Variants in CADM2 observed in about 807,000 individuals in gnomAD.
CADM2 encodes the protein cell adhesion molecule 2.
CADM2 carries 12 observed loss-of-function variants against 49.8 expected under a neutral mutation model. The ratio of observed to expected loss-of-function variants is 0.24; its 90% CI spans 0.15 to 0.39. The LOEUF (loss-of-function observed/expected upper bound fraction) is 0.39. Among genes scored for constraint, CADM2 ranks in the 10% least tolerant of loss-of-function variants. CADM2 has a pLI of 1.00. For synonymous variants in CADM2, 214 were observed against 175.4 expected, an observed-to-expected ratio of 1.22 and a Z score of -1.74; for missense variants, 378 against 492.3, an observed-to-expected ratio of 0.77 and a Z score of 2.20.
chr3:85,265,692 C>A (rs530744232), intron 1 of CADM2, among the ~76,000 whole-genome samples: 5 of 151,966 alleles, frequency 3.3e-5, no homozygotes, highest in Non-Finnish European at 5.9e-5. Context: ...CACATTCAAA[C>A]CGTAGCACTC....
chr3:85,496,664 G>A (rs1329834066), intron 1 of CADM2, among the ~76,000 whole-genome samples: 2 of 152,082 alleles, frequency 1.3e-5, no homozygotes, highest in African/African-American at 2.4e-5. Context: ...CACCAACAGC[G>A]TATAACCATT....
intron 3 of CADM2, among the ~76,000 whole-genome samples, chr3:85,841,219 T>C (rs1008570578): frequency 6.6e-6 from 1 of 151,898 alleles, no homozygotes; most frequent in Non-Finnish European, 1.5e-5. Flanking sequence ...CGGGTAATGG[T>C]ATCCTTTAGG....
intron 1 of CADM2, among the ~76,000 whole-genome samples, chr3:85,004,827 T>C (rs1294033048): frequency 2.0e-5 from 3 of 152,166 alleles, no homozygotes; most frequent in Non-Finnish European, 4.4e-5. Flanking sequence ...TTTTAAGCAG[T>C]TATAAGACCT....
At chr3:85,520,561 G>T (rs914313783) in intron 1 of CADM2, among the ~76,000 whole-genome samples, 3 of 151,882 alleles carry the variant, frequency 2.0e-5, no homozygotes, top group African/African-American at 7.3e-5. Flanking sequence ...TATATTTTTA[G>T]GAAGAAAAAA....
chr3:85,397,077 A>G (rs977381542), intron 1 of CADM2, among the ~76,000 whole-genome samples: 1 of 152,124 alleles, frequency 6.6e-6, no homozygotes, highest in African/African-American at 2.4e-5. Flanking sequence ...CAATACAACC[A>G]AATTCAAAAA....
intron 1 of CADM2, among the ~76,000 whole-genome samples, chr3:85,264,299 T>A (rs888776750): frequency 5.9e-5 from 9 of 152,160 alleles, no homozygotes; most frequent in African/African-American, 4.8e-5. Flanking sequence ...CGAAACATGC[T>A]GATTATGAGG....
At chr3:85,018,169 A>C (rs980759243) in intron 1 of CADM2, among the ~76,000 whole-genome samples, 1 of 152,188 alleles carries the variant, frequency 6.6e-6, no homozygotes, top group Non-Finnish European at 1.5e-5. Context: ...AGAATATGTA[A>C]AGGAAATATA....
chr3:85,359,776 C>A (rs1410972847), intron 1 of CADM2, among the ~76,000 whole-genome samples: 2 of 147,898 alleles, frequency 1.4e-5, no homozygotes, highest in East Asian at 2.0e-4. Flanking sequence ...TTTGTGTCTG[C>A]AGCCTTGTCC....
intron 1 of CADM2, among the ~76,000 whole-genome samples, chr3:85,079,303 A>G (rs1487467879): frequency 2.0e-5 from 3 of 151,808 alleles, no homozygotes; most frequent in Non-Finnish European, 4.4e-5. Flanking sequence ...ATATTTTATC[A>G]ATTGTCTTTC....
At chr3:85,211,751 G>C (rs2041785227) in intron 1 of CADM2, among the ~76,000 whole-genome samples, 1 of 152,108 alleles carries the variant, frequency 6.6e-6, no homozygotes, top group South Asian at 2.1e-4. Flanking sequence ...TGTGTACTCT[G>C]CAGGTATTGT....
At chr3:85,718,571 C>T (rs994413457) in intron 1 of CADM2, among the ~76,000 whole-genome samples, 1 of 151,928 alleles carries the variant, frequency 6.6e-6, no homozygotes, top group African/African-American at 2.4e-5. Flanking sequence ...GGTACTGACT[C>T]ATGAACTTTA....
intron 1 of CADM2, among the ~76,000 whole-genome samples, chr3:85,404,936 G>A (rs1007652781): frequency 9.9e-5 from 15 of 152,236 alleles, no homozygotes; most frequent in South Asian, 6.2e-4. Flanking sequence ...AGTTTAGATA[G>A]ACCTTCCTAT....
intron 2 of CADM2, among the ~76,000 whole-genome samples, chr3:85,761,876 T>G (rs1245651087): frequency 6.6e-6 from 1 of 152,112 alleles, no homozygotes; most frequent in African/African-American, 2.4e-5. Context: ...TAAGAACAAT[T>G]TATGAAGGCA....
chr3:85,351,018 A>G (rs562169570), intron 1 of CADM2, among the ~76,000 whole-genome samples: 5 of 152,214 alleles, frequency 3.3e-5, no homozygotes, highest in Non-Finnish European at 7.3e-5. Context: ...AAACTCAGAT[A>G]TACTGTACCA....
At chr3:85,941,296 G>A (rs942706612) in intron 7 of CADM2, among the ~76,000 whole-genome samples, 1 of 151,958 alleles carries the variant, frequency 6.6e-6, no homozygotes, top group East Asian at 1.9e-4. Context: ...AGGCTATTAT[G>A]GCAACTCTGA....
At chr3:85,414,558 A>G (rs2035830968) in intron 1 of CADM2, among the ~76,000 whole-genome samples, 2 of 152,024 alleles carry the variant, frequency 1.3e-5, no homozygotes, top group Admixed American at 6.6e-5. Context: ...TTTTTTAAAC[A>G]TTTATTTTAT....
chr3:85,726,465 T>A (rs879004835), intron 1 of CADM2, 57 bp from the exon 2 acceptor site: 1 of 1,589,946 alleles, frequency 6.3e-7, no homozygotes, highest in South Asian at 1.1e-5. Flanking sequence ...TACTAGAGAA[T>A]CTGTCTAATA....
rs1454404203 is a variant in CADM2, at chr3:85,686,997, C to T, written c.62-39525C>T. Reference sequence around the variant, plus strand: ...CCTTGGGCACATGTGTTCAGGACCTCTTGAGGCTGTGTCACGGGTGTGCAT... The same window carrying T: ...CCTTGGGCACATGTGTTCAGGACCTTTTGAGGCTGTGTCACGGGTGTGCAT... On this transcript the variant is annotated intron_variant, in intron 1 of 9. Coordinates refer to ENST00000383699, the MANE Select transcript of CADM2 (RefSeq NM_001167675.2). 1.1e-4 allele frequency among the ~76,000 whole-genome samples: 16 copies of T among 152,270 alleles called. No individual in the cohort carries two copies. In the South Asian group the frequency reaches 3.3e-3, roughly 32 times the overall value.
chr3:85,350,389 A>G (rs2107234352), intron 1 of CADM2, among the ~76,000 whole-genome samples: 1 of 152,286 alleles, frequency 6.6e-6, no homozygotes, highest in Admixed American at 6.5e-5. Flanking sequence ...TTATTTTGAC[A>G]TGATTGCCAT....
Sources: allele counts gnomAD v4.1 joint callset (sites outside exome capture counted in the v4.1 genomes callset), GRCh38; gene constraint gnomAD v4.1.1; transcripts MANE v1.5; gene names NCBI Gene and HGNC (gene_info 2026-07-23, HGNC 2026-07-21).